The following DPYSL2 variants were observed in gnomAD, a reference collection of about 807,000 sequenced individuals.
DPYSL2 encodes the protein dihydropyrimidinase-related protein 2.
Under a neutral mutation model 69.9 loss-of-function variants are expected in DPYSL2, and 13 were observed. The ratio of observed to expected loss-of-function variants is 0.19; its 90% confidence interval spans 0.12 to 0.30. The LOEUF (loss-of-function observed/expected upper bound fraction) is 0.30. DPYSL2 is among the 10% of genes least tolerant of loss of function. The probability of loss-of-function intolerance (pLI) is 1.00; values close to 1 mark genes in which losing one functional copy is unlikely to be tolerated. For synonymous variants in DPYSL2, 326 were observed against 359.1 expected, an observed-to-expected ratio of 0.91 and a Z score of 1.04; for missense variants, 587 against 918.9, an observed-to-expected ratio of 0.64 and a Z score of 4.67.
intron 1 of DPYSL2, among the ~76,000 whole-genome samples, chr8:26,534,014 G>A (rs941598953): frequency 6.6e-6 from 1 of 152,182 alleles, no homozygotes; most frequent in African/African-American, 2.4e-5. Context: ...GAAGGTCCAA[G>A]GAATGAAATG....
At chr8:26,613,649 G>A (rs1802285378) in intron 3 of DPYSL2, among the ~76,000 whole-genome samples, 1 of 152,230 alleles carries the variant, frequency 6.6e-6, no homozygotes, top group African/African-American at 2.4e-5. Context: ...GAGAAAGGGA[G>A]AAGGGCTGGC....
intron 1 of DPYSL2, among the ~76,000 whole-genome samples, chr8:26,532,398 A>G (rs1207884579): frequency 6.6e-6 from 1 of 152,168 alleles, no homozygotes; most frequent in Non-Finnish European, 1.5e-5. Context: ...CATACCATAA[A>G]ATTTGCCCCT....
At chr8:26,574,858 C>T (rs945979241) in intron 1 of DPYSL2, among the ~76,000 whole-genome samples, 1 of 152,196 alleles carries the variant, frequency 6.6e-6, no homozygotes, top group Non-Finnish European at 1.5e-5. Flanking sequence ...ATCTTTCTGC[C>T]TCAGCCCCAA....
chr8:26,574,794 A>G (rs1311457935), intron 1 of DPYSL2, among the ~76,000 whole-genome samples: 3 of 152,222 alleles, frequency 2.0e-5, no homozygotes, highest in Non-Finnish European at 4.4e-5. Context: ...CCCAAGCTGG[A>G]GTGCAGTGGC....
intron 1 of DPYSL2, among the ~76,000 whole-genome samples, chr8:26,545,772 A>T (rs1018635358): frequency 6.6e-6 from 1 of 152,008 alleles, no homozygotes; most frequent in Non-Finnish European, 1.5e-5. Context: ...ATCTCAAAAA[A>T]AAAAAATAAT....
intron 1 of DPYSL2, among the ~76,000 whole-genome samples, chr8:26,535,637 T>TATATATATATA (rs199796205): frequency 1.4e-5 from 2 of 144,128 alleles, no homozygotes; most frequent in Admixed American, 6.9e-5. Context: ...ATATATATAT[T>TATATATATATA]TTTTTTTTCA....
At chr8:26,584,642 A>G (rs1403804694) in intron 3 of DPYSL2, among the ~76,000 whole-genome samples, 1 of 131,014 alleles carries the variant, frequency 7.6e-6, no homozygotes, top group African/African-American at 3.0e-5. Flanking sequence ...TTTTTGAGAC[A>G]GAGTTTCTCT....
intron 7 of DPYSL2, among the ~76,000 whole-genome samples, chr8:26,628,386 A>G (rs1802666866): frequency 6.6e-6 from 1 of 152,216 alleles, no homozygotes; most frequent in South Asian, 2.1e-4. Context: ...AGGATATCAC[A>G]TGATATGCAG....
chr8:26,550,472 T>A (rs1261590906), intron 1 of DPYSL2, among the ~76,000 whole-genome samples: 1 of 152,184 alleles, frequency 6.6e-6, no homozygotes, highest in African/African-American at 2.4e-5. Context: ...TAATGGTAAA[T>A]ACACCAGTTT....
intron 1 of DPYSL2, among the ~76,000 whole-genome samples, chr8:26,545,042 T>A (rs1800743426): frequency 6.6e-6 from 1 of 152,206 alleles, no homozygotes; most frequent in Admixed American, 6.5e-5. Flanking sequence ...GGACAGGAAT[T>A]GACAGCAATA....
rs1401719348 is a variant in DPYSL2 at position 26,642,113 on chromosome 8, A to G, written c.1127-1326A>G. ...GAGAGATGAATTCAGCTGACCTGGG[A>G]TCAAATTCCAGCTTGGATGCCTTTA... On this transcript the variant is annotated intron_variant, in intron 8 of 13. Transcript: ENST00000521913. The surrounding 1 kb of genome is among the most constrained non-coding windows in gnomAD (Gnocchi z 5.3). 2.6e-5 allele frequency among the ~76,000 whole-genome samples: 4 copies of G among 152,184 alleles called. No individual in the cohort carries two copies. The highest frequency in any genetic ancestry group is 1.5e-5 in the Non-Finnish European group (1 of 68,020).
chr8:26,581,716 T>C (rs1309567895), intron 1 of DPYSL2, among the ~76,000 whole-genome samples: 1 of 151,930 alleles, frequency 6.6e-6, no homozygotes, highest in East Asian at 1.9e-4. Flanking sequence ...TTTTTTTTTT[T>C]CTTTGGAGTC....
rs1808284386 is a variant in DPYSL2, at chr8:26,516,178, A to G, written c.354+1499A>G. Among the ~76,000 whole-genome samples, 1 of 152,246 alleles carries G rather than the reference A, an allele frequency of 6.6e-6. No individual in the cohort carries two copies. The highest frequency in any genetic ancestry group is 6.5e-5 in the Admixed American group (1 of 15,284). ...ATTTATTCATATAAGGGAGTGTCTC[A>G]TATCCATATTTCACTATGAGTCAAC... On this transcript the variant is annotated intron_variant, in intron 1 of 13. Coordinates refer to ENST00000521913, the MANE Select transcript of DPYSL2 (RefSeq NM_001197293.3). This position sits in a 1 kb window ranked among gnomAD's most constrained non-coding sequence, Gnocchi z 4.8.
At chr8:26,526,974 G>A (rs2117606467) in intron 1 of DPYSL2, among the ~76,000 whole-genome samples, 1 of 152,382 alleles carries the variant, frequency 6.6e-6, no homozygotes, top group South Asian at 2.1e-4. Context: ...GAGCAGGGCA[G>A]ATGAGACTGA....
intron 1 of DPYSL2, among the ~76,000 whole-genome samples, chr8:26,524,801 CAAAAAAA>C (rs753822230): frequency 5.1e-4 from 21 of 41,106 alleles, no homozygotes; most frequent in African/African-American, 1.6e-3. Context: ...GACTCTGTCT[CAAAAAAA>C]AAAAAAAAAA....
intron 3 of DPYSL2, among the ~76,000 whole-genome samples, chr8:26,600,657 G>A (rs1446832689): frequency 1.3e-5 from 2 of 152,134 alleles, no homozygotes; most frequent in Non-Finnish European, 1.5e-5. Flanking sequence ...TGTGGCAAGT[G>A]CAAAGATGTT....
At position 26,641,193 on chromosome 8, in the gene DPYSL2, C is replaced by T. The variant is rs1236310131; in HGVS notation, c.1127-2246C>T. ...GAGCGTCGGCAAGTTACAGGAAACT[C>T]AGGAAAATGTTTATGTGTGTCCAGG... is the stretch of plus-strand genomic sequence containing the variant. On this transcript the variant is annotated intron_variant, in intron 8 of 13. Transcript: ENST00000521913. This position sits in a 1 kb window ranked among gnomAD's most constrained non-coding sequence, Gnocchi z 4.1. Among the ~76,000 whole-genome samples, 1 of 151,960 alleles carries T rather than the reference C, an allele frequency of 6.6e-6. No individual in the cohort carries two copies. The highest frequency in any genetic ancestry group is 1.5e-5 in the Non-Finnish European group (1 of 67,974).
chr8:26,529,897 G>A (rs961088989), intron 1 of DPYSL2, among the ~76,000 whole-genome samples: 2 of 151,530 alleles, frequency 1.3e-5, no homozygotes, highest in African/African-American at 4.8e-5. Flanking sequence ...GATCACCTGA[G>A]GTCAGGAGTT....
chr8:26,518,244 T>C (rs1351563056), intron 1 of DPYSL2, among the ~76,000 whole-genome samples: 1 of 152,124 alleles, frequency 6.6e-6, no homozygotes, highest in Non-Finnish European at 1.5e-5. Flanking sequence ...CTTGATACTT[T>C]ACAGGTCATA....
Sources: allele counts gnomAD v4.1 joint callset (sites outside exome capture counted in the v4.1 genomes callset), GRCh38; gene constraint gnomAD v4.1.1; non-coding constraint Gnocchi (gnomAD v3.1); transcripts MANE v1.5; gene names NCBI Gene and HGNC (gene_info 2026-07-23, HGNC 2026-07-21).